The following RPTOR variants were observed in gnomAD, a reference collection of about 807,000 sequenced individuals.
RPTOR encodes the protein regulatory-associated protein of mTOR.
Under a neutral mutation model 169.9 loss-of-function variants are expected in RPTOR, and 21 were observed. The ratio of observed to expected loss-of-function variants is 0.12; its 90% CI spans 0.09 to 0.18. The LOEUF (loss-of-function observed/expected upper bound fraction) is 0.18. Among genes scored for constraint, RPTOR ranks in the 10% least tolerant of loss-of-function variants. RPTOR has a pLI of 1.00. For missense variants in RPTOR, 1,133 were observed against 1,855.9 expected, an observed-to-expected ratio of 0.61 and a Z score of 7.16; for synonymous variants, 732 against 753.2, an observed-to-expected ratio of 0.97 and a Z score of 0.46.
rs2068202435 is a variant in RPTOR at position 80,882,981 on chromosome 17, G to A, written c.1585-438G>A. Among the ~76,000 whole-genome samples the A allele has an allele frequency of 2.0e-5, 3 of 152,260 alleles. No homozygotes were observed. The South Asian group carries it at 6.2e-4, about 31-fold the overall frequency. On this transcript the variant is annotated intron_variant, in intron 14 of 33. Coordinates refer to ENST00000306801, the MANE Select transcript of RPTOR (RefSeq NM_020761.3). Reference sequence around the variant, plus strand: ...AAGGACAGAATGAAAATGAGTCACAGTAGAGCAGAAAGGAGAAACCAGTGA... The same window carrying A: ...AAGGACAGAATGAAAATGAGTCACAATAGAGCAGAAAGGAGAAACCAGTGA...
chr17:80,617,247 G>A (rs2065318702), intron 1 of RPTOR, among the ~76,000 whole-genome samples: 1 of 152,194 alleles, frequency 6.6e-6, no homozygotes, highest in African/African-American at 2.4e-5. Context: ...TGGAATCACA[G>A]TTGTGGGTAC....
intron 3 of RPTOR, among the ~76,000 whole-genome samples, chr17:80,676,488 G>A (rs932705075): frequency 2.6e-5 from 4 of 152,182 alleles, no homozygotes; most frequent in African/African-American, 7.2e-5. Context: ...GCTGTGGGTC[G>A]TCTTGGAATT....
At chr17:80,884,809 G>C (rs1419754976) in intron 16 of RPTOR, among the ~76,000 whole-genome samples, 199 bp from the exon 17 acceptor site, 2 of 152,202 alleles carry the variant, frequency 1.3e-5, no homozygotes, top group African/African-American at 4.8e-5. Context: ...GCTGCCCCTG[G>C]AGCTGGGCGG....
rs527350475 is a variant in RPTOR, at chr17:80,643,502, C to T, written c.266-226C>T. Among the ~76,000 whole-genome samples the T allele has an allele frequency of 9.4e-4, 143 of 152,326 alleles. 4 individuals carry two copies. In the South Asian group the frequency reaches 0.029, roughly 30 times the overall value. ...TGAACGTGGGTAGAATAACAGCATT[C>T]ACTTGCCCGTGATGTTAAAACACTG... is the stretch of plus-strand genomic sequence containing the variant. On this transcript the variant is annotated intron_variant, in intron 2 of 33. Coordinates refer to ENST00000306801, the MANE Select transcript of RPTOR (RefSeq NM_020761.3).
chr17:80,684,831 C>T (rs527264806), intron 3 of RPTOR, among the ~76,000 whole-genome samples: 18 of 152,236 alleles, frequency 1.2e-4, no homozygotes, highest in African/African-American at 4.1e-4. Context: ...CACTACACAG[C>T]GTGTCCTGGA....
chr17:80,667,938 C>T (rs2065792976), intron 3 of RPTOR, among the ~76,000 whole-genome samples: 1 of 152,142 alleles, frequency 6.6e-6, no homozygotes. Flanking sequence ...AAGGGTCTGC[C>T]ATTCTGTCAG....
intron 20 of RPTOR, 131 bp downstream of exon 20, chr17:80,893,996 T>A: frequency 1.1e-6 from 1 of 945,882 alleles, no homozygotes; most frequent in Non-Finnish European, 1.5e-6. Flanking sequence ...AGAATAAAGG[T>A]CAACAGGACT....
chr17:80,910,011 C>T (rs1191652928), intron 21 of RPTOR: 1 of 152,284 alleles, frequency 6.6e-6, no homozygotes, highest in East Asian at 1.9e-4. Context: ...CGCCTTCCCG[C>T]TGTTTTTTCT....
chr17:80,616,803 C>T lies in RPTOR; in HGVS notation c.163-8888C>T, dbSNP rs150167234. On this transcript the variant is annotated intron_variant, in intron 1 of 33. Transcript: ENST00000306801. The stretch of plus-strand genomic sequence containing the variant: ...AGAGCCCTTTGCTATACTTACTTTA[C>T]GAAGACCAATTATTTGTTGGTTTTT... Among the ~76,000 whole-genome samples the T allele has an allele frequency of 4.9e-3, 751 of 152,108 alleles. 3 individuals are homozygous for T. Among genetic ancestry groups the T allele is most frequent in the South Asian group, 0.013 (63 of 4,806 alleles).
At chr17:80,617,901 C>T (rs1465336957) in intron 1 of RPTOR, among the ~76,000 whole-genome samples, 1 of 152,190 alleles carries the variant, frequency 6.6e-6, no homozygotes, top group Non-Finnish European at 1.5e-5. Context: ...CAGGGCTGAC[C>T]ATTTGTTTTT....
rs563363985 is a variant in RPTOR, at chr17:80,959,759, G to A, written c.3478-319G>A. On this transcript the variant is annotated intron_variant, in intron 29 of 33. Coordinates refer to ENST00000306801, the MANE Select transcript of RPTOR (RefSeq NM_020761.3). The surrounding 1 kb of genome is among the most constrained non-coding windows in gnomAD (Gnocchi z 6.7). ...CTGACAGCCAGTCCTTCCCAGAGGC[G>A]TTTGCAGGCCTCCGCTCGGGGTGGG... Among the ~76,000 whole-genome samples the A allele has an allele frequency of 2.0e-5, 3 of 152,340 alleles. No individual in the cohort carries two copies. Among genetic ancestry groups the A allele is most frequent in the South Asian group, 2.1e-4 (1 of 4,830 alleles).
intron 28 of RPTOR, among the ~76,000 whole-genome samples, chr17:80,953,304 C>G (rs2069206115): frequency 6.6e-6 from 1 of 152,228 alleles, no homozygotes; most frequent in South Asian, 2.1e-4. Flanking sequence ...CAGGTTCTTG[C>G]TGTCACCCAG....
At chr17:80,945,622 A>G in intron 25 of RPTOR, 45 bp from the exon 26 acceptor site, 4 of 1,212,042 alleles carry the variant, frequency 3.3e-6, no homozygotes, top group Non-Finnish European at 4.7e-6. Context: ...TAAGGGGGAA[A>G]AGATGCTGGC....
intron 21 of RPTOR, among the ~76,000 whole-genome samples, chr17:80,919,484 GACTGTGT>G (rs1354891571): frequency 6.6e-6 from 1 of 152,196 alleles, no homozygotes; most frequent in African/African-American, 2.4e-5. Context: ...CCGCAGCCCT[GACTGTGT>G]CAAGATCCAG....
rs62069367 is a variant in RPTOR at position 80,744,899 on chromosome 17, T to A, written c.655-9111T>A. 5.9e-3 allele frequency among the ~76,000 whole-genome samples: 400 copies of A among 67,988 alleles called. 35 individuals carry two copies. Among genetic ancestry groups the A allele is most frequent in the African/African-American group, 0.015 (198 of 13,148 alleles). 44.6% of individuals were successfully genotyped at this position (67,988 alleles called of 152,430 possible). ...CGAGCACAGCCCTGGCTACTAGCAC[T>A]GTCCTGGCTACTAGCACAGCCCTGG... On this transcript the variant is annotated intron_variant, in intron 5 of 33. Coordinates refer to ENST00000306801, the MANE Select transcript of RPTOR (RefSeq NM_020761.3).
chr17:80,896,620 C>T (rs1033260255), intron 20 of RPTOR, among the ~76,000 whole-genome samples: 5 of 152,098 alleles, frequency 3.3e-5, no homozygotes, highest in African/African-American at 1.2e-4. Flanking sequence ...GGGGGCAGCA[C>T]CTTTGAGCCC....
intron 3 of RPTOR, among the ~76,000 whole-genome samples, chr17:80,683,768 G>A (rs1052856856): frequency 1.1e-4 from 16 of 152,122 alleles, no homozygotes; most frequent in African/African-American, 3.6e-4. Context: ...TCCTGTCCAT[G>A]TGTTTTATGT....
At chr17:80,961,911 G>A (rs930264877) in intron 31 of RPTOR, among the ~76,000 whole-genome samples, 5 of 152,230 alleles carry the variant, frequency 3.3e-5, no homozygotes, top group Non-Finnish European at 7.3e-5. Context: ...AGAGCAAGAT[G>A]TAATTTATGA....
chr17:80,587,654 CT>C (rs1287385684), intron 1 of RPTOR, among the ~76,000 whole-genome samples: 1 of 152,116 alleles, frequency 6.6e-6, no homozygotes, highest in Non-Finnish European at 1.5e-5. Context: ...TTACTTCCCC[CT>C]GGCCCCGACT....
Sources: allele counts gnomAD v4.1 joint callset (sites outside exome capture counted in the v4.1 genomes callset), GRCh38; gene constraint gnomAD v4.1.1; non-coding constraint Gnocchi (gnomAD v3.1); transcripts MANE v1.5; gene names NCBI Gene and HGNC (gene_info 2026-07-23, HGNC 2026-07-21).